The following SEPTIN10 variants were observed in gnomAD, a reference collection of about 807,000 sequenced individuals.
SEPTIN10 encodes septin 10.
A neutral mutation model predicts 54.8 loss-of-function variants in SEPTIN10; 66 were observed. That is an observed-to-expected ratio of 1.21 (90% CI 0.99 to 1.48). The LOEUF (loss-of-function observed/expected upper bound fraction) is 1.48. Ranked by LOEUF, SEPTIN10 falls within the 40% of genes most tolerant of loss-of-function variation. The pLI, the probability that SEPTIN10 is intolerant of heterozygous loss-of-function variation, is 0.00. For missense variants in SEPTIN10, 620 were observed against 545.6 expected, an observed-to-expected ratio of 1.14 and a Z score of -1.36; for synonymous variants, 161 against 181.0, an observed-to-expected ratio of 0.89 and a Z score of 0.89.
chr2:109,577,693 G>A (rs924298413), intron 4 of SEPTIN10, among the ~76,000 whole-genome samples: 1 of 151,374 alleles, frequency 6.6e-6, no homozygotes, highest in African/African-American at 2.4e-5. Flanking sequence ...TGAGAAGATC[G>A]CTTGAGGCCA....
chr2:109,564,421 A>G lies in SEPTIN10; in HGVS notation c.973T>C (p.Cys325Arg). The change falls in exon 8 of 11, where the codon TGC (cysteine) becomes CGC (arginine). Residue 325 changes from cysteine to arginine, a missense_variant. By Grantham distance (180) the Cys-to-Arg change is radical. Transcript: ENST00000397712. ...HTRHYELYRRCKLEEMGFTDV... is the reference protein window; with the variant it reads ...HTRHYELYRRRKLEEMGFTDV... ...GTAAAGCCCATTTCCTCCAGTTTGC[A>G]GCGCCTGTAAAGCTCATAGTGCCTG... is the stretch of plus-strand genomic sequence containing the variant. 1 of 1,595,626 alleles carries G rather than the reference A, an allele frequency of 6.3e-7. No homozygotes were observed. Among genetic ancestry groups the G allele is most frequent in the Non-Finnish European group, 8.6e-7 (1 of 1,168,544 alleles).
intron 1 of SEPTIN10, among the ~76,000 whole-genome samples, chr2:109,601,340 G>A (rs1280109854): frequency 6.6e-6 from 1 of 152,096 alleles, no homozygotes; most frequent in African/African-American, 2.4e-5. Context: ...TGTATGTCAG[G>A]GGTCAAAGAC....
At chr2:109,612,575 A>G (rs1023621687) in intron 1 of SEPTIN10, among the ~76,000 whole-genome samples, 2 of 152,250 alleles carry the variant, frequency 1.3e-5, no homozygotes, top group African/African-American at 4.8e-5. Flanking sequence ...CCTCAAAGCA[A>G]ATTAAGTACA....
At chr2:109,611,033 C>CATG (rs1699149448) in intron 1 of SEPTIN10, among the ~76,000 whole-genome samples, 1 of 152,174 alleles carries the variant, frequency 6.6e-6, no homozygotes, top group Non-Finnish European at 1.5e-5. Flanking sequence ...AACAGACCCA[C>CATG]ACAAATATGC....
At chr2:109,547,936 A>T (rs1478613355) in intron 9 of SEPTIN10, among the ~76,000 whole-genome samples, 1 of 152,158 alleles carries the variant, frequency 6.6e-6, no homozygotes, top group Non-Finnish European at 1.5e-5. Flanking sequence ...CCCTTAGCAC[A>T]CATGTGCTGG....
At chr2:109,579,101 T>C (rs1690467973) in intron 4 of SEPTIN10, among the ~76,000 whole-genome samples, 1 of 152,094 alleles carries the variant, frequency 6.6e-6, no homozygotes, top group South Asian at 2.1e-4. Flanking sequence ...CAGAATATCA[T>C]TACAGATGAT....
At chr2:109,601,676 A>G (rs1004610635) in intron 1 of SEPTIN10, among the ~76,000 whole-genome samples, 1 of 152,060 alleles carries the variant, frequency 6.6e-6, no homozygotes, top group Non-Finnish European at 1.5e-5. Flanking sequence ...TGACCCTTCC[A>G]GTTTTCATAA....
chr2:109,598,360 G>A (rs1312744895), intron 1 of SEPTIN10, among the ~76,000 whole-genome samples: 2 of 151,956 alleles, frequency 1.3e-5, no homozygotes, highest in South Asian at 2.1e-4. Flanking sequence ...GAGCCACTGC[G>A]CCCGGCCCTA....
Position 109,564,420 on chromosome 2 carries a change from C to T in SEPTIN10, c.974G>A (p.Cys325Tyr). 1.3e-6 allele frequency: 2 copies of T among 1,594,452 alleles called. No homozygotes were observed. The highest frequency in any genetic ancestry group is 2.2e-5 in the East Asian group (1 of 44,480). ...HTRHYELYRR[C>Y]KLEEMGFTDV... Reference sequence around the variant, plus strand: ...TGTAAAGCCCATTTCCTCCAGTTTGCAGCGCCTGTAAAGCTCATAGTGCCT... The same window carrying T: ...TGTAAAGCCCATTTCCTCCAGTTTGTAGCGCCTGTAAAGCTCATAGTGCCT... The change falls in exon 8 of 11, where the codon TGC becomes TAC. Residue 325 changes from cysteine (C) to tyrosine (Y), a missense_variant. Physicochemically the swap from Cys to Tyr is radical, Grantham distance 194. Transcript: ENST00000397712.
chr2:109,564,069 G>A (rs1686317331), intron 8 of SEPTIN10: 3 of 296,964 alleles, frequency 1.0e-5, no homozygotes, highest in East Asian at 5.6e-5. Flanking sequence ...CAAATAATGA[G>A]GGTATTTTCC....
intron 1 of SEPTIN10, among the ~76,000 whole-genome samples, chr2:109,609,461 C>T (rs1698749222): frequency 6.6e-6 from 1 of 151,870 alleles, no homozygotes; most frequent in South Asian, 2.1e-4. Context: ...TGCAAGGTAG[C>T]ATATGACCAA....
chr2:109,570,349 T>C (rs889729539), intron 5 of SEPTIN10, among the ~76,000 whole-genome samples: 14 of 152,166 alleles, frequency 9.2e-5, no homozygotes, highest in Non-Finnish European at 1.9e-4. Flanking sequence ...GTAATGCTCA[T>C]TAATGTCTTT....
At chr2:109,597,591 T>C (rs1429878353) in intron 1 of SEPTIN10, among the ~76,000 whole-genome samples, 1 of 152,228 alleles carries the variant, frequency 6.6e-6, no homozygotes, top group Non-Finnish European at 1.5e-5. Flanking sequence ...GTCAATTTGC[T>C]TTTCCTGTAG....
At chr2:109,563,805 G>T (rs1686257079) in intron 8 of SEPTIN10, among the ~76,000 whole-genome samples, 1 of 152,040 alleles carries the variant, frequency 6.6e-6, no homozygotes, top group Admixed American at 6.6e-5. Flanking sequence ...AAAACCAACA[G>T]AAAATGTTTT....
At chr2:109,552,655 C>A in intron 9 of SEPTIN10, 1 of 167,610 alleles carries the variant, frequency 6.0e-6, no homozygotes, top group South Asian at 1.6e-4. Context: ...TGTGGCTTAC[C>A]CTGCTAGGCA....
chr2:109,607,285 T>C (rs1429325239), intron 1 of SEPTIN10, among the ~76,000 whole-genome samples: 1 of 152,188 alleles, frequency 6.6e-6, no homozygotes, highest in African/African-American at 2.4e-5. Flanking sequence ...CTGAGTAAGT[T>C]CTTGAATGCC....
chr2:109,589,055 G>A (rs974311134), intron 2 of SEPTIN10, among the ~76,000 whole-genome samples: 3 of 151,652 alleles, frequency 2.0e-5, no homozygotes, highest in Non-Finnish European at 2.9e-5. Context: ...CTCAGCCTCT[G>A]GAGTAGTTGG....
chr2:109,560,210 G>A (rs28599496), intron 8 of SEPTIN10, among the ~76,000 whole-genome samples: 1 of 152,210 alleles, frequency 6.6e-6, no homozygotes, highest in South Asian at 2.1e-4. Flanking sequence ...GTGAGCCACC[G>A]GGCCTGGCCC....
At chr2:109,560,040 C>T (rs112462145) in intron 8 of SEPTIN10, among the ~76,000 whole-genome samples, 1 of 151,580 alleles carries the variant, frequency 6.6e-6, no homozygotes, top group Non-Finnish European at 1.5e-5. Flanking sequence ...CCTGCCTCAG[C>T]CTCCCAAGTA....
Sources: gnomAD v4.1 joint callset for allele counts (sites outside exome capture counted in the v4.1 genomes callset) on GRCh38, gnomAD v4.1.1 for gene constraint, MANE v1.5 for transcripts, NCBI Gene and HGNC (gene_info 2026-07-23, HGNC 2026-07-21) for gene names.